Variants in TMEM17 observed in about 807,000 individuals in gnomAD.
The protein encoded by TMEM17 is transmembrane protein 17.
TMEM17 carries 15 observed loss-of-function variants against 19.1 expected under a neutral mutation model. The ratio of observed to expected loss-of-function variants is 0.78; its 90% CI spans 0.52 to 1.21. The LOEUF (loss-of-function observed/expected upper bound fraction) is 1.21, where lower values mean the gene tolerates loss of function less well. TMEM17 is among the 50% of genes most tolerant of loss of function. The pLI is 0.00. For missense variants in TMEM17, 245 were observed against 242.3 expected, an observed-to-expected ratio of 1.01 and a Z score of -0.07; for synonymous variants, 103 against 86.9, an observed-to-expected ratio of 1.19 and a Z score of -1.03.
At chr2:62,485,498 G>A in the TMEM17 span, among the ~76,000 whole-genome samples, 24 of 152,080 alleles carry the variant, frequency 1.6e-4, no homozygotes, top group Admixed American at 1.3e-4. Context: ...TAGCTCAAAA[G>A]GTCTAATAAT....
Position 62,501,409 on chromosome 2 carries a change from C to T in TMEM17, c.397G>A (p.Gly133Ser). The change falls in exon 4 of 4, where the codon GGC (glycine) becomes AGC (serine). Residue 133 changes from glycine to serine, a missense_variant. Transcript: ENST00000335390. The stretch of plus-strand genomic sequence containing the variant: ...TTTTCCAAGGGCAGATTTGTTAGGC[C>T]TTCATTAAAGAGCAAGAAAAGAATT... Reference protein sequence around the residue: ...PLILFLLFNEGLTNLPLEKAI... With the variant: ...PLILFLLFNESLTNLPLEKAI... The T allele has an allele frequency of 6.2e-7, 1 of 1,614,112 alleles. No individual in the cohort carries two copies. The highest frequency in any genetic ancestry group is 8.5e-7 in the Non-Finnish European group (1 of 1,180,030).
chr2:62,496,547 C>T (rs1453908770), downstream of TMEM17, among the ~76,000 whole-genome samples: 1 of 152,036 alleles, frequency 6.6e-6, no homozygotes, highest in Non-Finnish European at 1.5e-5. Context: ...AAGCAGGGTG[C>T]ACAATTATAA....
chr2:62,483,915 G>C, the TMEM17 span, among the ~76,000 whole-genome samples: 2 of 151,980 alleles, frequency 1.3e-5, no homozygotes, highest in African/African-American at 4.8e-5. Flanking sequence ...ATACAGATTT[G>C]AAAGTGTTCC....
At chr2:62,467,150 C>A in the TMEM17 span, among the ~76,000 whole-genome samples, 1 of 151,962 alleles carries the variant, frequency 6.6e-6, no homozygotes, top group Non-Finnish European at 1.5e-5. Flanking sequence ...CGTATTATCC[C>A]ATTTAAACAA....
the TMEM17 span, among the ~76,000 whole-genome samples, chr2:62,466,386 C>A: frequency 6.6e-6 from 1 of 152,030 alleles, no homozygotes; most frequent in African/African-American, 2.4e-5. Context: ...GACGCTGAAG[C>A]GCAAAAGGGA....
At chr2:62,469,244 T>C in the TMEM17 span, among the ~76,000 whole-genome samples, 2 of 152,140 alleles carry the variant, frequency 1.3e-5, no homozygotes, top group African/African-American at 4.8e-5. Context: ...CTTGTGGAGA[T>C]TGCTAACCTC....
chr2:62,470,192 C>T, the TMEM17 span, among the ~76,000 whole-genome samples: 3 of 152,210 alleles, frequency 2.0e-5, no homozygotes, highest in Admixed American at 6.5e-5. Flanking sequence ...GCTGGGGGCA[C>T]CTTTCCTCTG....
the TMEM17 span, among the ~76,000 whole-genome samples, chr2:62,457,512 G>A: frequency 1.3e-5 from 2 of 152,242 alleles, no homozygotes; most frequent in South Asian, 2.1e-4. The surrounding 1 kb of genome is among the most constrained non-coding windows in gnomAD (Gnocchi z 4.2). Context: ...GCTCTGAGAA[G>A]GACATCCCGA....
At chr2:62,475,456 A>C in the TMEM17 span, among the ~76,000 whole-genome samples, 1 of 152,222 alleles carries the variant, frequency 6.6e-6, no homozygotes, top group Non-Finnish European at 1.5e-5. Flanking sequence ...CCTTGCTTCA[A>C]CAAGTCACGC....
the TMEM17 span, among the ~76,000 whole-genome samples, chr2:62,486,934 G>T: frequency 6.6e-6 from 1 of 152,106 alleles, no homozygotes; most frequent in Admixed American, 6.5e-5. Context: ...CAGACACTGG[G>T]GGGTAAAGGG....
At chr2:62,471,438 A>G in the TMEM17 span, among the ~76,000 whole-genome samples, 1 of 97,110 alleles carries the variant, frequency 1.0e-5, no homozygotes, top group African/African-American at 4.1e-5. Flanking sequence ...TGTTTCTAAG[A>G]CTGATGACTC....
the TMEM17 span, among the ~76,000 whole-genome samples, chr2:62,466,272 G>T: frequency 6.6e-6 from 1 of 152,140 alleles, no homozygotes; most frequent in Admixed American, 6.5e-5. Context: ...CTGGTGCTCT[G>T]GGGTGGGAGG....
At chr2:62,489,027 G>A in the TMEM17 span, among the ~76,000 whole-genome samples, 35 of 152,290 alleles carry the variant, frequency 2.3e-4, no homozygotes, top group Non-Finnish European at 3.2e-4. Flanking sequence ...GTGACTCAAG[G>A]TTGGCAGAAC....
chr2:62,487,203 C>G, the TMEM17 span, among the ~76,000 whole-genome samples: 1 of 152,168 alleles, frequency 6.6e-6, no homozygotes, highest in Non-Finnish European at 1.5e-5. Context: ...TTTCTGGAGG[C>G]TCAAGGAGAA....
At chr2:62,465,055 G>C in the TMEM17 span, among the ~76,000 whole-genome samples, 2 of 152,192 alleles carry the variant, frequency 1.3e-5, no homozygotes, top group Non-Finnish European at 2.9e-5. Context: ...TGGCTAATTT[G>C]TTAGTCCTAC....
At chr2:62,462,288 G>T in the TMEM17 span, among the ~76,000 whole-genome samples, 1 of 152,064 alleles carries the variant, frequency 6.6e-6, no homozygotes, top group African/African-American at 2.4e-5. Flanking sequence ...AGTAAGTAAA[G>T]ATGAATGAGG....
chr2:62,459,365 T>C, the TMEM17 span, among the ~76,000 whole-genome samples: 1 of 152,252 alleles, frequency 6.6e-6, no homozygotes, highest in African/African-American at 2.4e-5. Flanking sequence ...GTCCTGATTA[T>C]CAGCATGGTT....
chr2:62,491,153 C>G, the TMEM17 span: 2 of 148,916 alleles, frequency 1.3e-5, no homozygotes, highest in African/African-American at 5.0e-5. Context: ...AATCCTGTGC[C>G]TGCCACGCAA....
At chr2:62,504,603 C>T (rs1680017023) in intron 1 of TMEM17, among the ~76,000 whole-genome samples, 1 of 152,044 alleles carries the variant, frequency 6.6e-6, no homozygotes, top group South Asian at 2.1e-4. Flanking sequence ...TGTAAATGAA[C>T]CTTAAAAGCG....
Sources: gnomAD v4.1 joint callset for allele counts (sites outside exome capture counted in the v4.1 genomes callset) on GRCh38, gnomAD v4.1.1 for gene constraint, Gnocchi (gnomAD v3.1) non-coding constraint, MANE v1.5 for transcripts, NCBI Gene and HGNC (gene_info 2026-07-23, HGNC 2026-07-21) for gene names.